KLRG2: variants seen among roughly 807,000 people sequenced by gnomAD.
KLRG2 encodes killer cell lectin like receptor G2.
KLRG2 carries 39 observed loss-of-function variants against 35.4 expected under a neutral mutation model. The ratio of observed to expected loss-of-function variants is 1.10; its 90% CI spans 0.85 to 1.44. KLRG2 has a LOEUF of 1.44. Among genes scored for constraint, KLRG2 ranks in the 40% most tolerant of loss-of-function variants. The pLI, the probability that KLRG2 is intolerant of heterozygous loss-of-function variation, is 0.00. For synonymous variants in KLRG2, 283 were observed against 265.8 expected (o/e 1.06, Z -0.63); for missense variants, 632 against 570.9 (o/e 1.11, Z -1.09).
At chr7:139,443,094 CT>C in the KLRG2 span, among the ~76,000 whole-genome samples, 265 of 120,538 alleles carry the variant, frequency 2.2e-3, no homozygotes, top group East Asian at 2.5e-3. Flanking sequence ...GGAAAAAAAA[CT>C]TTTTTTTTTT....
intron 3 of KLRG2, among the ~76,000 whole-genome samples, chr7:139,472,820 G>T (rs977746408): frequency 1.3e-5 from 2 of 152,180 alleles, no homozygotes; most frequent in African/African-American, 4.8e-5. Flanking sequence ...AAAAGGACCG[G>T]TTGAAAGTCT....
chr7:139,437,432 A>C, the KLRG2 span, among the ~76,000 whole-genome samples: 1 of 77,100 alleles, frequency 1.3e-5, no homozygotes. Context: ...CTCCAAAAAA[A>C]AAAAAAAAAA....
chr7:139,452,816 G>A lies in KLRG2; in HGVS notation c.*771C>T, dbSNP rs9632774. 0.19 allele frequency: 29,233 copies of A among 152,368 alleles called. 2,880 individuals carry two copies. The highest frequency in any genetic ancestry group is 0.3 in the Middle Eastern group (90 of 300). 9.4% of individuals were successfully genotyped at this position (152,368 alleles called of 1,614,324 possible). A position where few individuals can be genotyped will look rare whatever the true frequency, so the allele number is the denominator to read the frequency against. On this transcript the variant is annotated 3_prime_UTR_variant, in exon 5 of 5. Transcript: ENST00000340940. ...TAGAAGAGCTGCCTGGAACGTGCCTGCATTTCTCTGATTTCCTTTTTCACT... is the reference window on the plus strand; with the variant it reads ...TAGAAGAGCTGCCTGGAACGTGCCTACATTTCTCTGATTTCCTTTTTCACT...
the KLRG2 span, among the ~76,000 whole-genome samples, chr7:139,437,765 G>A: frequency 6.6e-6 from 1 of 152,212 alleles, no homozygotes; most frequent in African/African-American, 2.4e-5. Flanking sequence ...GCCATCATTA[G>A]TCATTTTTCT....
chr7:139,443,153 G>A, the KLRG2 span, among the ~76,000 whole-genome samples: 1 of 139,574 alleles, frequency 7.2e-6, no homozygotes, highest in South Asian at 2.2e-4. Flanking sequence ...GGAGTCTAGT[G>A]GTGTGATCTT....
In KLRG2 at chr7:139,452,894, G is replaced by C. The variant is rs1360683188; in HGVS notation, c.*693C>G. ...CTGGGGTGCTCTCCTGGCTTCTCCT[G>C]CCAGGTGGCCCTGTCCTCTCTGCCT... On this transcript the variant is annotated 3_prime_UTR_variant, in exon 5 of 5. Transcript: ENST00000340940. 1 of 152,440 alleles carries C rather than the reference G, an allele frequency of 6.6e-6. No homozygotes were observed. The highest frequency in any genetic ancestry group is 1.5e-5 in the Non-Finnish European group (1 of 68,244). 9.4% of individuals were successfully genotyped at this position (152,440 alleles called of 1,614,324 possible).
the KLRG2 span, among the ~76,000 whole-genome samples, chr7:139,438,928 C>T: frequency 3.9e-5 from 5 of 128,256 alleles, no homozygotes; most frequent in South Asian, 3.3e-4. Flanking sequence ...CCTCCCCCCC[C>T]CCACCCCGCC....
chr7:139,472,553 TGGGAAACA>T (rs1796776241), intron 3 of KLRG2, among the ~76,000 whole-genome samples: 1 of 149,816 alleles, frequency 6.7e-6, no homozygotes, highest in Admixed American at 6.7e-5. Context: ...AAGACCAGCC[TGGGAAACA>T]TAGTAAGACC....
chr7:139,439,393 T>C, the KLRG2 span, among the ~76,000 whole-genome samples: 103 of 152,220 alleles, frequency 6.8e-4, no homozygotes, highest in African/African-American at 2.3e-3. Context: ...GAGGGAGCTT[T>C]CTGGGGGGCT....
intron 3 of KLRG2, among the ~76,000 whole-genome samples, chr7:139,476,580 C>T (rs897609613): frequency 3.9e-5 from 6 of 152,010 alleles, no homozygotes; most frequent in African/African-American, 1.4e-4. Context: ...GTGGGGACTA[C>T]AGGTGCATGC....
At chr7:139,454,555 C>A (rs1038942867) in intron 3 of KLRG2, among the ~76,000 whole-genome samples, 1 of 151,994 alleles carries the variant, frequency 6.6e-6, no homozygotes, top group Non-Finnish European at 1.5e-5. Context: ...GTGGCTCATG[C>A]CTGTAATCCC....
intron 3 of KLRG2, among the ~76,000 whole-genome samples, chr7:139,478,724 G>A (rs949270627): frequency 6.6e-6 from 1 of 151,958 alleles, no homozygotes; most frequent in African/African-American, 2.4e-5. Flanking sequence ...CCTATCTATT[G>A]GTCCCTTTTT....
intron 1 of KLRG2, among the ~76,000 whole-genome samples, chr7:139,481,453 C>G (rs1187301961): frequency 1.3e-5 from 2 of 152,214 alleles, no homozygotes; most frequent in African/African-American, 4.8e-5. Context: ...AAGAACCTCT[C>G]AACTAGAGGC....
At chr7:139,463,273 G>A (rs566825960) in intron 3 of KLRG2, among the ~76,000 whole-genome samples, 2 of 152,186 alleles carry the variant, frequency 1.3e-5, no homozygotes, top group Non-Finnish European at 2.9e-5. Flanking sequence ...TTCTTAATAC[G>A]CATTTTATTA....
At chr7:139,447,502 G>A in the KLRG2 span, among the ~76,000 whole-genome samples, 1 of 151,312 alleles carries the variant, frequency 6.6e-6, no homozygotes, top group Admixed American at 6.6e-5. Flanking sequence ...CTGGGTTTCA[G>A]CCATTCTCGT....
chr7:139,467,175 C>T (rs1796674404), intron 3 of KLRG2, among the ~76,000 whole-genome samples: 1 of 152,138 alleles, frequency 6.6e-6, no homozygotes, highest in African/African-American at 2.4e-5. Context: ...CCGCTCGAAG[C>T]AGCCCTGAGA....
At chr7:139,455,476 C>A (rs1289672417) in intron 3 of KLRG2, among the ~76,000 whole-genome samples, 2 of 152,054 alleles carry the variant, frequency 1.3e-5, no homozygotes, top group Non-Finnish European at 2.9e-5. Context: ...CACCCGCCAC[C>A]ATGCCTGGCT....
At chr7:139,451,481 A>G (rs1264626154), downstream of KLRG2, among the ~76,000 whole-genome samples, 2 of 152,160 alleles carry the variant, frequency 1.3e-5, no homozygotes, top group East Asian at 3.9e-4. Flanking sequence ...GCCTGGCGAC[A>G]GAGCGAGACT....
chr7:139,434,468 T>C, the KLRG2 span, among the ~76,000 whole-genome samples: 1 of 152,316 alleles, frequency 6.6e-6, no homozygotes, highest in African/African-American at 2.4e-5. Context: ...GCAGTCATCT[T>C]GATGAGTTGC....
Sources: gnomAD v4.1 joint callset for allele counts (sites outside exome capture counted in the v4.1 genomes callset) on GRCh38, gnomAD v4.1.1 for gene constraint, MANE v1.5 for transcripts, NCBI Gene and HGNC (gene_info 2026-07-23, HGNC 2026-07-21) for gene names.